The following ADAMTSL1 variants were observed in gnomAD, a reference collection of about 807,000 sequenced individuals.
ADAMTSL1 encodes the protein ADAMTS-like protein 1.
A neutral mutation model predicts 201.8 loss-of-function variants in ADAMTSL1; 126 were observed. The observed-to-expected ratio is 0.62, with a 90% CI of 0.54 to 0.72. ADAMTSL1 has a LOEUF of 0.72. ADAMTSL1 is among the 30% of genes least tolerant of loss of function. ADAMTSL1 has a pLI of 0.00. For synonymous variants in ADAMTSL1, 1,121 were observed against 903.4 expected, an observed-to-expected ratio of 1.24 and a Z score of -4.32; for missense variants, 2,679 against 2,277.8, an observed-to-expected ratio of 1.18 and a Z score of -3.59.
chr9:18,818,030 C>T (rs1245959118), intron 21 of ADAMTSL1, among the ~76,000 whole-genome samples: 1 of 152,124 alleles, frequency 6.6e-6, no homozygotes, highest in Non-Finnish European at 1.5e-5. Context: ...TGGTAATATG[C>T]TCTGTATAAA....
At chr9:18,712,057 TAACA>T (rs1351285121) in intron 14 of ADAMTSL1, among the ~76,000 whole-genome samples, 1 of 151,164 alleles carries the variant, frequency 6.6e-6, no homozygotes, top group Non-Finnish European at 1.5e-5. Context: ...GAAGGAAAAC[TAACA>T]AACAGAAAGG....
chr9:18,259,509 CAAAA>C (rs113141517), intron 2 of ADAMTSL1, among the ~76,000 whole-genome samples: 4 of 124,414 alleles, frequency 3.2e-5, no homozygotes, highest in Non-Finnish European at 7.1e-5. Flanking sequence ...AACTCTGTCT[CAAAA>C]AAAAAAAAAA....
chr9:18,850,122 G>T (rs1826391205), intron 23 of ADAMTSL1, among the ~76,000 whole-genome samples: 1 of 152,192 alleles, frequency 6.6e-6, no homozygotes, highest in Non-Finnish European at 1.5e-5. Context: ...GAGCACCCAG[G>T]CATGGGCTTA....
intron 1 of ADAMTSL1, among the ~76,000 whole-genome samples, chr9:18,129,670 A>G (rs536703105): frequency 6.6e-6 from 1 of 152,328 alleles, no homozygotes; most frequent in East Asian, 1.9e-4. Context: ...ACAAGATATT[A>G]AAGTACACCA....
chr9:18,430,786 C>T (rs553998133), intron 2 of ADAMTSL1, among the ~76,000 whole-genome samples: 7 of 152,262 alleles, frequency 4.6e-5, no homozygotes, highest in African/African-American at 1.7e-4. Context: ...TAAATGTTTG[C>T]TGAAGGAGAT....
rs554014919 is a variant in ADAMTSL1, at chr9:18,681,896, C to A, written c.1426C>A (p.Pro476Thr). Residue 476 changes from proline (P) to threonine (T), a missense_variant, in exon 12 of 29, where the codon CCA (proline) becomes ACA (threonine). Physicochemically the swap from Pro to Thr is conservative, Grantham distance 38. Transcript: ENST00000380548. ...AGGAATGCACACAGGAGGCTGTAGCCCAAAAACAAAGCCCCACATAAAAGA... is the reference window on the plus strand; with the variant it reads ...AGGAATGCACACAGGAGGCTGTAGCACAAAAACAAAGCCCCACATAAAAGA... ...HRGMHTGGCS[P>T]KTKPHIKEEC... The A allele has an allele frequency of 3.7e-6, 6 of 1,613,854 alleles. No homozygotes were observed. The highest frequency in any genetic ancestry group is 5.1e-6 in the Non-Finnish European group (6 of 1,179,986).
chr9:18,523,159 T>C (rs1037835655), intron 2 of ADAMTSL1, among the ~76,000 whole-genome samples: 5 of 152,208 alleles, frequency 3.3e-5, no homozygotes, highest in Admixed American at 3.3e-4. Context: ...GGTATCTCAT[T>C]GTGGTTTTGA....
intron 1 of ADAMTSL1, among the ~76,000 whole-genome samples, chr9:18,492,885 CT>C (rs1822335280): frequency 6.6e-6 from 1 of 152,174 alleles, no homozygotes; most frequent in South Asian, 2.1e-4. Context: ...TGGCCAAATC[CT>C]GTTGCCTAGA....
At chr9:18,792,459 A>G (rs538920447) in intron 19 of ADAMTSL1, among the ~76,000 whole-genome samples, 140 of 152,302 alleles carry the variant, frequency 9.2e-4, no homozygotes, top group African/African-American at 3.2e-3. Context: ...AGTGTCCAAG[A>G]ACCGTTTTCT....
chr9:18,118,823 G>T (rs1050295948), intron 1 of ADAMTSL1, among the ~76,000 whole-genome samples: 10 of 152,096 alleles, frequency 6.6e-5, no homozygotes, highest in African/African-American at 2.2e-4. Context: ...TGATTTGAAG[G>T]TAGCGCTATC....
At chr9:18,265,262 C>G (rs1188771598) in intron 2 of ADAMTSL1, among the ~76,000 whole-genome samples, 3 of 151,516 alleles carry the variant, frequency 2.0e-5, no homozygotes, top group Non-Finnish European at 4.4e-5. Flanking sequence ...TTCCCGGATA[C>G]TCTTCTGCCA....
intron 2 of ADAMTSL1, among the ~76,000 whole-genome samples, chr9:18,527,189 T>G (rs1391721125): frequency 6.6e-6 from 1 of 152,180 alleles, no homozygotes; most frequent in Non-Finnish European, 1.5e-5. Flanking sequence ...TTCTTTGCCA[T>G]AAGTCCGTAT....
At chr9:18,331,364 T>C (rs908412550) in intron 2 of ADAMTSL1, among the ~76,000 whole-genome samples, 1 of 152,200 alleles carries the variant, frequency 6.6e-6, no homozygotes, top group South Asian at 2.1e-4. Context: ...TGTGTGAGTA[T>C]CATCTATCCC....
intron 2 of ADAMTSL1, among the ~76,000 whole-genome samples, chr9:18,438,922 G>T (rs1289379888): frequency 5.9e-5 from 9 of 151,668 alleles, no homozygotes; most frequent in African/African-American, 1.7e-4. Context: ...CTTAGCTCCA[G>T]TCCCGAGCCT....
chr9:17,943,502 C>T (rs1827327985), intron 1 of ADAMTSL1, among the ~76,000 whole-genome samples: 1 of 151,972 alleles, frequency 6.6e-6, no homozygotes, highest in Non-Finnish European at 1.5e-5. Flanking sequence ...GGGGTAGTGC[C>T]AAAGTTCCTG....
At chr9:18,018,673 C>A (rs966834960) in intron 1 of ADAMTSL1, among the ~76,000 whole-genome samples, 3 of 152,038 alleles carry the variant, frequency 2.0e-5, no homozygotes, top group Non-Finnish European at 2.9e-5. Flanking sequence ...ACTCCCTCAA[C>A]CCAATTGAGT....
chr9:17,974,774 C>T (rs1292633324), intron 1 of ADAMTSL1, among the ~76,000 whole-genome samples: 1 of 151,976 alleles, frequency 6.6e-6, no homozygotes, highest in African/African-American at 2.4e-5. Flanking sequence ...TACTAATGCA[C>T]TCGTCTGTTG....
chr9:18,444,041 A>G (rs1232291588), intron 2 of ADAMTSL1, among the ~76,000 whole-genome samples: 14 of 152,216 alleles, frequency 9.2e-5, no homozygotes, highest in Admixed American at 7.2e-4. Context: ...AGCATTTACT[A>G]TAGAAATGAT....
chr9:18,145,499 T>C (rs1436761970), intron 1 of ADAMTSL1, among the ~76,000 whole-genome samples: 1 of 152,216 alleles, frequency 6.6e-6, no homozygotes, highest in African/African-American at 2.4e-5. Context: ...CCTTTCACTC[T>C]ACCAATTTTA....
Sources: allele counts gnomAD v4.1 joint callset (sites outside exome capture counted in the v4.1 genomes callset), GRCh38; gene constraint gnomAD v4.1.1; transcripts MANE v1.5; gene names NCBI Gene and HGNC (gene_info 2026-07-23, HGNC 2026-07-21).